The following RP9 variants were observed in gnomAD, a reference collection of about 807,000 sequenced individuals.
RP9 encodes RP9 pre-mRNA splicing factor.
Under a neutral mutation model 32.6 loss-of-function variants are expected in RP9, and 23 were observed. The observed-to-expected ratio is 0.71, with a 90% CI of 0.51 to 1.00. The LOEUF is 1.00. Ranked by LOEUF, RP9 falls within the 50% of genes least tolerant of loss-of-function variation. The pLI, the probability that RP9 is intolerant of heterozygous loss-of-function variation, is 0.00. For missense variants in RP9, 245 were observed against 285.3 expected, an observed-to-expected ratio of 0.86 and a Z score of 1.02; for synonymous variants, 94 against 103.6, an observed-to-expected ratio of 0.91 and a Z score of 0.56.
rs1262090341 is a variant in RP9, at chr7:33,109,243, G to A, written c.130C>T (p.Gln44Ter). 3 of 1,496,546 alleles carry A rather than the reference G, an allele frequency of 2.0e-6. No individual in the cohort carries two copies. Among genetic ancestry groups the A allele is most frequent in the Non-Finnish European group, 8.9e-7 (1 of 1,125,838 alleles). 92.7% of individuals were successfully genotyped at this position (1,496,546 alleles called of 1,614,324 possible). A position where few individuals can be genotyped will look rare whatever the true frequency, so the allele number is the denominator to read the frequency against. ...RRRHDAQQLQ[Q>*]LKHLESFYEK... ...CACAAGGACTCCAGGTGCTTGAGCTGCTGCAGCTGCTGCGCGTCGTGTCGC... is the reference window on the plus strand; with the variant it reads ...CACAAGGACTCCAGGTGCTTGAGCTACTGCAGCTGCTGCGCGTCGTGTCGC... The change falls in exon 1 of 6, where the codon CAG (glutamine) becomes TAG (stop). Residue 44 changes from glutamine (Q) to a stop codon, truncating the protein, a stop_gained. Coordinates refer to ENST00000297157, the MANE Select transcript of RP9 (RefSeq NM_203288.2). LOFTEE classifies it high-confidence loss of function. The surrounding 1 kb of genome is among the most constrained non-coding windows in gnomAD (Gnocchi z 4.9).
At chr7:33,101,344 G>A (rs1788421285) in intron 1 of RP9, among the ~76,000 whole-genome samples, 1 of 152,230 alleles carries the variant, frequency 6.6e-6, no homozygotes, top group African/African-American at 2.4e-5. Context: ...GCTCGCGCCT[G>A]TAATCCCAGC....
intron 2 of RP9, 111 bp from the exon 3 acceptor site, chr7:33,099,547 A>G: frequency 8.8e-7 from 1 of 1,136,446 alleles, no homozygotes; most frequent in Non-Finnish European, 1.3e-6. Flanking sequence ...TGCCAACATC[A>G]TCTTAGTTAC....
chr7:33,096,643 T>A, intron 4 of RP9, 89 bp from the exon 5 acceptor site: 2 of 943,772 alleles, frequency 2.1e-6, no homozygotes, highest in Non-Finnish European at 1.8e-6. Context: ...AAAACCAGTT[T>A]ATTTTTTTTT....
At chr7:33,108,599 G>C (rs1452661239) in intron 1 of RP9, among the ~76,000 whole-genome samples, 1 of 152,202 alleles carries the variant, frequency 6.6e-6, no homozygotes, top group East Asian at 1.9e-4. Flanking sequence ...GTATCAGGAA[G>C]ACAGCTGCTT....
intron 2 of RP9, 35 bp from the exon 3 acceptor site, chr7:33,099,471 G>C (rs762558110): frequency 3.7e-6 from 6 of 1,613,356 alleles, no homozygotes; most frequent in Non-Finnish European, 4.2e-6. Context: ...AGCATGGCAA[G>C]AGCGCTGGGA....
chr7:33,108,108 A>C (rs1429779573), intron 1 of RP9, among the ~76,000 whole-genome samples: 4 of 152,248 alleles, frequency 2.6e-5, no homozygotes, highest in Non-Finnish European at 5.9e-5. Context: ...AGTACAGAGA[A>C]ACTTTTAGGC....
intron 2 of RP9, chr7:33,100,295 G>A (rs1374945615): frequency 1.7e-6 from 1 of 585,198 alleles, no homozygotes; most frequent in Non-Finnish European, 3.1e-6. Flanking sequence ...CATGGCCAAG[G>A]AATCCACGTG....
rs1159062888 is a variant in RP9, at chr7:33,097,345, A to T, written c.331T>A (p.Tyr111Asn). The change falls in exon 4 of 6, where the codon TAT (tyrosine) becomes AAT (asparagine). Residue 111 changes from tyrosine (Y) to asparagine (N), a missense_variant. Physicochemically the swap from Tyr to Asn is moderately radical, Grantham distance 143. Around this residue, in one of 2 missense-constraint regions of RP9, gnomAD observed 182 missense variants for 175.5 expected, o/e 1.04. Coordinates refer to ENST00000297157, the MANE Select transcript of RP9 (RefSeq NM_203288.2). ...TCTTTGTCACCCGTTCGGTGACCAT[A>T]GCGTTTGCAACGCCAACCTAAAAAC... ...KVMQCWRCKR[Y>N]GHRTGDKECP... is the part of the protein sequence containing the mutation. The T allele has an allele frequency of 6.2e-7, 1 of 1,613,558 alleles. No homozygotes were observed. Among genetic ancestry groups the T allele is most frequent in the Non-Finnish European group, 8.5e-7 (1 of 1,179,598 alleles).
chr7:33,099,877 T>C (rs1788400470), intron 2 of RP9, among the ~76,000 whole-genome samples: 1 of 152,218 alleles, frequency 6.6e-6, no homozygotes, highest in Non-Finnish European at 1.5e-5. Context: ...ACATGCTATA[T>C]CTCTGATGTA....
At chr7:33,102,726 C>T (rs1174514338) in intron 1 of RP9, among the ~76,000 whole-genome samples, 1 of 152,226 alleles carries the variant, frequency 6.6e-6, no homozygotes, top group Non-Finnish European at 1.5e-5. Flanking sequence ...CAAGTGTACT[C>T]CATTCCACAC....
chr7:33,106,413 C>T (rs1788499106), intron 1 of RP9, among the ~76,000 whole-genome samples: 1 of 152,130 alleles, frequency 6.6e-6, no homozygotes, highest in Admixed American at 6.5e-5. Flanking sequence ...TGGCCTCAAG[C>T]GATCTTCCCA....
rs1788405598 is a variant in RP9 at position 33,100,250 on chromosome 7, T to A, written c.183+281A>T. 6 of 511,804 alleles carry A rather than the reference T, an allele frequency of 1.2e-5. No individual in the cohort carries two copies. In the South Asian group the frequency reaches 1.3e-4, roughly 11 times the overall value. 31.7% of individuals were successfully genotyped at this position (511,804 alleles called of 1,614,324 possible). A position where few individuals can be genotyped will look rare whatever the true frequency, so the allele number is the denominator to read the frequency against. ...GGTGAGGCCGACAAGGAAAAGGAGC[T>A]TAGAGATGCCATCCCCAGCAAGAGA... On this transcript the variant is annotated intron_variant, in intron 2 of 5. Coordinates refer to ENST00000297157, the MANE Select transcript of RP9 (RefSeq NM_203288.2).
intron 1 of RP9, among the ~76,000 whole-genome samples, chr7:33,102,651 A>C (rs1264612194): frequency 6.6e-6 from 1 of 152,214 alleles, no homozygotes; most frequent in African/African-American, 2.4e-5. Context: ...TCTTTTGTTA[A>C]GTGTTTCAAA....
At chr7:33,106,531 A>G (rs1302256694) in intron 1 of RP9, among the ~76,000 whole-genome samples, 1 of 152,246 alleles carries the variant, frequency 6.6e-6, no homozygotes, top group Non-Finnish European at 1.5e-5. Flanking sequence ...CTATGATGGA[A>G]CTATACTGGA....
rs189986204 is a variant in RP9, at chr7:33,104,580, T to C, written c.153-4019A>G. Among the ~76,000 whole-genome samples the C allele has an allele frequency of 1.2e-4, 18 of 152,256 alleles. 1 individual carries two copies. Among genetic ancestry groups the C allele is most frequent in the Non-Finnish European group, 2.2e-4 (15 of 68,014 alleles). On this transcript the variant is annotated intron_variant, in intron 1 of 5. Transcript: ENST00000297157. ...GAGGTGAACTTGAACAGGTAACTTA[T>C]AAAAGAAAGGGACTCAGAATGGCAT...
intron 1 of RP9, among the ~76,000 whole-genome samples, chr7:33,104,154 G>A (rs1788466968): frequency 6.6e-6 from 1 of 151,994 alleles, no homozygotes; most frequent in Non-Finnish European, 1.5e-5. Context: ...AGAAGAGATA[G>A]AGCAACAGAA....
intron 1 of RP9, chr7:33,100,879 G>A (rs976663046): frequency 1.6e-5 from 8 of 499,182 alleles, no homozygotes; most frequent in Non-Finnish European, 2.3e-5. Flanking sequence ...TTCTGAAGGC[G>A]AGGTGTTTGT....
intron 1 of RP9, among the ~76,000 whole-genome samples, chr7:33,108,134 C>T (rs1031238903): frequency 1.3e-5 from 2 of 152,188 alleles, no homozygotes; most frequent in Non-Finnish European, 2.9e-5. Flanking sequence ...TTAAAATATT[C>T]AAGGAGGCAG....
chr7:33,099,250 T>A, intron 3 of RP9, 57 bp downstream of exon 3: 3 of 1,591,912 alleles, frequency 1.9e-6, no homozygotes, highest in Non-Finnish European at 2.6e-6. Flanking sequence ...AAGTAAACAC[T>A]CTTTGTAAAT....
Sources: gnomAD v4.1 joint callset for allele counts (sites outside exome capture counted in the v4.1 genomes callset) on GRCh38, gnomAD v4.1.1 for gene constraint, gnomAD v4.1.1 regional missense constraint, Gnocchi (gnomAD v3.1) non-coding constraint, MANE v1.5 for transcripts, NCBI Gene and HGNC (gene_info 2026-07-23, HGNC 2026-07-21) for gene names.